Variants in PCDHGC3 observed in about 807,000 individuals in gnomAD.
PCDHGC3 encodes the protein protocadherin gamma-C3.
A neutral mutation model predicts 59.2 loss-of-function variants in PCDHGC3; 26 were observed. The ratio of observed to expected loss-of-function variants is 0.44; its 90% CI spans 0.32 to 0.61. The LOEUF (loss-of-function observed/expected upper bound fraction) is 0.61, where lower values mean the gene tolerates loss of function less well. PCDHGC3 is among the 20% of genes least tolerant of loss of function. The pLI is 0.05. For synonymous variants in PCDHGC3, 487 were observed against 519.7 expected (o/e 0.94, Z 0.86); for missense variants, 1,080 against 1,221.8 (o/e 0.88, Z 1.73).
At chr5:141,501,570 G>C (rs1251110101) in intron 2 of PCDHGC3, among the ~76,000 whole-genome samples, 1 of 151,996 alleles carries the variant, frequency 6.6e-6, no homozygotes, top group African/African-American at 2.4e-5. Flanking sequence ...ATCATATTAG[G>C]CTGGCTTTCA....
rs774649069 is a variant in PCDHGC3 at position 141,477,417 on chromosome 5, C to G, written c.1301C>G (p.Thr434Ser). The G allele has an allele frequency of 1.2e-6, 2 of 1,614,172 alleles. No individual in the cohort carries two copies. The highest frequency in any genetic ancestry group is 2.7e-5 in the African/African-American group (2 of 75,032). The change falls in exon 1 of 4, where the codon ACC becomes AGC. Residue 434 changes from threonine to serine, a missense_variant. By Grantham distance (58) the Thr-to-Ser change is moderately conservative. Coordinates refer to ENST00000308177, the MANE Select transcript of PCDHGC3 (RefSeq NM_002588.4). The surrounding 1 kb of genome is among the most constrained non-coding windows in gnomAD (Gnocchi z 4.9). ...NLSITARDAG[T>S]PSLSALTIVR... Reference sequence around the variant, plus strand: ...AGCATCACCGCCCGAGACGCCGGAACCCCTTCCCTCTCAGCCCTTACAATA... The same window carrying G: ...AGCATCACCGCCCGAGACGCCGGAAGCCCTTCCCTCTCAGCCCTTACAATA...
intron 1 of PCDHGC3, among the ~76,000 whole-genome samples, chr5:141,492,808 A>C (rs1261752522): frequency 6.6e-6 from 1 of 152,252 alleles, no homozygotes; most frequent in African/African-American, 2.4e-5. Flanking sequence ...CTGGGACTCC[A>C]GTGGCACCAG....
chr5:141,497,323 G>A lies in PCDHGC3; in HGVS notation c.2489+2458G>A, dbSNP rs373068300. Reference sequence around the variant, plus strand: ...CAGGCCATACACTGGCTTTGAAGCAGAATTCACCATTGAACCTGGAAGCCC... The same window carrying A: ...CAGGCCATACACTGGCTTTGAAGCAAAATTCACCATTGAACCTGGAAGCCC... On this transcript the variant is annotated intron_variant, in intron 2 of 3. Transcript: ENST00000308177. 1.2e-4 allele frequency among the ~76,000 whole-genome samples: 19 copies of A among 152,204 alleles called. No homozygotes were observed. In the East Asian group the frequency reaches 3.5e-3, roughly 28 times the overall value.
chr5:141,497,825 C>T (rs1015168533), intron 2 of PCDHGC3, among the ~76,000 whole-genome samples: 3 of 152,154 alleles, frequency 2.0e-5, no homozygotes, highest in Admixed American at 6.5e-5. Context: ...CAGGTGTGAT[C>T]GCCCCCGGCC....
intron 2 of PCDHGC3, among the ~76,000 whole-genome samples, chr5:141,502,865 T>C (rs538731947): frequency 3.0e-5 from 4 of 131,428 alleles, no homozygotes; most frequent in Non-Finnish European, 6.3e-5. Context: ...TGACTCTCTG[T>C]CTTTTTTTTT....
intron 1 of PCDHGC3, among the ~76,000 whole-genome samples, chr5:141,492,438 G>C (rs2099740636): frequency 6.6e-6 from 1 of 152,236 alleles, no homozygotes; most frequent in Non-Finnish European, 1.5e-5. Flanking sequence ...AGGAGTACTC[G>C]TAGCTGATTG....
Position 141,491,964 on chromosome 5 carries a change from C to A in PCDHGC3, c.2431-2843C>A. On this transcript the variant is annotated intron_variant, in intron 1 of 3. Transcript: ENST00000308177. The surrounding 1 kb of genome is among the most constrained non-coding windows in gnomAD (Gnocchi z 6.9). ...CCCCACCCCTACACTCAAAAAAGGC[C>A]GGGGCCTCCTTCGAGCTTCCGGTGA... The A allele has an allele frequency of 1.1e-6, 1 of 943,952 alleles. No homozygotes were observed. The highest frequency in any genetic ancestry group is 1.5e-6 in the Non-Finnish European group (1 of 671,094). 58.5% of individuals were successfully genotyped at this position (943,952 alleles called of 1,614,324 possible). A position where few individuals can be genotyped will look rare whatever the true frequency, so the allele number is the denominator to read the frequency against.
intron 2 of PCDHGC3, among the ~76,000 whole-genome samples, chr5:141,502,956 G>A (rs986743949): frequency 1.3e-5 from 2 of 148,846 alleles, no homozygotes; most frequent in African/African-American, 5.0e-5. Context: ...CGATTCTCCT[G>A]CCTCAGCCTC....
At chr5:141,499,343 G>C (rs1184175548) in intron 2 of PCDHGC3, among the ~76,000 whole-genome samples, 1 of 152,146 alleles carries the variant, frequency 6.6e-6, no homozygotes, top group Non-Finnish European at 1.5e-5. Context: ...AGTTTGGGCA[G>C]TCATTCAACA....
intron 1 of PCDHGC3, 37 bp downstream of exon 1, chr5:141,478,583 C>CT (rs754743497): frequency 5.7e-6 from 9 of 1,578,146 alleles, no homozygotes; most frequent in South Asian, 1.1e-5. Flanking sequence ...CCTGTTAGTG[C>CT]TTTTTTATTC....
chr5:141,511,077 T>C lies in PCDHGC3; in HGVS notation c.2709T>C (p.Asn903=), dbSNP rs1279500774. ...YRQNVYIPGS[N]ATLTNAAGKR... is the part of the protein sequence containing the mutation. ...AGAATGTCTACATCCCAGGCAGCAA[T>C]GCCACACTGACCAACGCAGCTGGCA... is the stretch of plus-strand genomic sequence containing the variant. Residue 903 remains asparagine, a synonymous_variant, in exon 4 of 4, where the codon AAT becomes AAC. Transcript: ENST00000308177. 5 of 1,614,062 alleles carry C rather than the reference T, an allele frequency of 3.1e-6. No individual in the cohort carries two copies. The African/African-American group carries it at 6.7e-5, about 22-fold the overall frequency.
At position 141,491,201 on chromosome 5, in the gene PCDHGC3, C is replaced by T. The variant is rs752813291; in HGVS notation, c.2431-3606C>T. The T allele has an allele frequency of 3.7e-6, 6 of 1,614,226 alleles. No homozygotes were observed. The Admixed American group carries it at 5.0e-5, about 13-fold the overall frequency. On this transcript the variant is annotated intron_variant, in intron 1 of 3. Transcript: ENST00000308177. This position sits in a 1 kb window ranked among gnomAD's most constrained non-coding sequence, Gnocchi z 6.9. ...GTCCTGGTGAGGGACAATGGTGACCCTTCACTCTCCTCCACAGCCACAGTG... is the reference window on the plus strand; with the variant it reads ...GTCCTGGTGAGGGACAATGGTGACCTTTCACTCTCCTCCACAGCCACAGTG...
chr5:141,510,510 G>C (rs1042950478), intron 3 of PCDHGC3, among the ~76,000 whole-genome samples: 1 of 152,132 alleles, frequency 6.6e-6, no homozygotes, highest in Non-Finnish European at 1.5e-5. Context: ...CTGAGAGCCC[G>C]TGTCACAGCC....
chr5:141,485,067 C>G lies in PCDHGC3; in HGVS notation c.2430+6521C>G, dbSNP rs944494894. On this transcript the variant is annotated intron_variant, in intron 1 of 3. Transcript: ENST00000308177. This position sits in a 1 kb window ranked among gnomAD's most constrained non-coding sequence, Gnocchi z 5.7. Reference sequence around the variant, plus strand: ...CGGCGCCGGCCGAACCGCGCCAGAGCTGGCGCGGGGAAAGGGAGATAGGTG... The same window carrying G: ...CGGCGCCGGCCGAACCGCGCCAGAGGTGGCGCGGGGAAAGGGAGATAGGTG... 21 of 894,418 alleles carry G rather than the reference C, an allele frequency of 2.3e-5. No individual in the cohort carries two copies. The highest frequency in any genetic ancestry group is 1.8e-4 in the Admixed American group (8 of 43,320). 55.4% of individuals were successfully genotyped at this position (894,418 alleles called of 1,614,324 possible). A position where few individuals can be genotyped will look rare whatever the true frequency, so the allele number is the denominator to read the frequency against.
intron 2 of PCDHGC3, among the ~76,000 whole-genome samples, chr5:141,497,643 G>A (rs773129390): frequency 6.6e-6 from 1 of 151,192 alleles, no homozygotes; most frequent in African/African-American, 2.4e-5. Context: ...AGGTTCAAGC[G>A]ATTCTCCTGC....
In PCDHGC3 at chr5:141,487,439, T is replaced by C. The variant is rs201458212; in HGVS notation, c.2431-7368T>C. 1 of 1,613,926 alleles carries C rather than the reference T, an allele frequency of 6.2e-7. No individual in the cohort carries two copies. Among genetic ancestry groups the C allele is most frequent in the South Asian group, 1.1e-5 (1 of 91,066 alleles). ...TGGGATCCTCCGAATCCAGCTAGGG[T>C]CAGATGACCCTATCAAGTTTGTTGA... is the stretch of plus-strand genomic sequence containing the variant. On this transcript the variant is annotated intron_variant, in intron 1 of 3. Transcript: ENST00000308177. This position sits in a 1 kb window ranked among gnomAD's most constrained non-coding sequence, Gnocchi z 5.0.
chr5:141,476,727 G>A lies in PCDHGC3; in HGVS notation c.611G>A (p.Arg204Gln), dbSNP rs762236731. Residue 204 changes from arginine to glutamine, a missense_variant, in exon 1 of 4, where the codon CGA becomes CAA. Coordinates refer to ENST00000308177, the MANE Select transcript of PCDHGC3 (RefSeq NM_002588.4). This position sits in a 1 kb window ranked among gnomAD's most constrained non-coding sequence, Gnocchi z 7.6. ...CTGGTGTTGGAGCGCGCCCTGGACC[G>A]AGAACGGGAGCCTAGTCTCCAGTTA... ...AELVLERALD[R>Q]EREPSLQLVL... 5 of 1,614,108 alleles carry A rather than the reference G, an allele frequency of 3.1e-6. No individual in the cohort carries two copies. Among genetic ancestry groups the A allele is most frequent in the Non-Finnish European group, 4.2e-6 (5 of 1,180,032 alleles).
Position 141,485,567 on chromosome 5 carries a change from C to G in PCDHGC3, c.2430+7021C>G. The stretch of plus-strand genomic sequence containing the variant: ...CGTAGATGTGAATGATCACGCCCCC[C>G]GTTTTCCGCGGCAGCAGCTGGACTT... On this transcript the variant is annotated intron_variant, in intron 1 of 3. Transcript: ENST00000308177. This position sits in a 1 kb window ranked among gnomAD's most constrained non-coding sequence, Gnocchi z 5.7. 1 of 1,612,882 alleles carries G rather than the reference C, an allele frequency of 6.2e-7. No individual in the cohort carries two copies. The highest frequency in any genetic ancestry group is 8.5e-7 in the Non-Finnish European group (1 of 1,178,978).
chr5:141,507,631 C>T (rs1435446169), intron 3 of PCDHGC3, among the ~76,000 whole-genome samples: 4 of 152,236 alleles, frequency 2.6e-5, no homozygotes, highest in East Asian at 3.8e-4. Context: ...TGTGGCCTTG[C>T]GCCCTGAGGC....
Sources: allele counts gnomAD v4.1 joint callset (sites outside exome capture counted in the v4.1 genomes callset), GRCh38; gene constraint gnomAD v4.1.1; non-coding constraint Gnocchi (gnomAD v3.1); transcripts MANE v1.5; gene names NCBI Gene and HGNC (gene_info 2026-07-23, HGNC 2026-07-21).